Variants in TMEM131L observed in about 807,000 individuals in gnomAD.
TMEM131L encodes transmembrane 131 like, also known as transmembrane protein 131-like.
In TMEM131L, 54 loss-of-function variants were observed where a neutral mutation model predicts 192.2. That is an observed-to-expected ratio of 0.28 (90% CI 0.23 to 0.35). The LOEUF (loss-of-function observed/expected upper bound fraction) is 0.35, where lower values mean the gene tolerates loss of function less well. Among genes scored for constraint, TMEM131L ranks in the 10% least tolerant of loss-of-function variants. TMEM131L has a pLI of 1.00. For synonymous variants in TMEM131L, 701 were observed against 704.9 expected (o/e 0.99, Z 0.09); for missense variants, 1,888 against 1,972.9 (o/e 0.96, Z 0.82).
chr4:153,480,840 C>T (rs1731891723), intron 3 of TMEM131L, among the ~76,000 whole-genome samples: 1 of 152,180 alleles, frequency 6.6e-6, no homozygotes, highest in Non-Finnish European at 1.5e-5. Context: ...ATTACTGTGT[C>T]CTGAACTGAG....
In TMEM131L at chr4:153,585,595, C is replaced by T. The variant is rs750988725; in HGVS notation, c.1295C>T (p.Thr432Ile). The part of the protein sequence containing the change: ...VLNDVFLSKE[T>I]KHMLKILNFT... ...AATGATGTGTTTCTTTCCAAGGAGA[C>T]CAAGCACATGTTAAAGGTACATATA... The change falls in exon 13 of 35, where the codon ACC becomes ATC. Residue 432 changes from threonine (T) to isoleucine (I), a missense_variant. Coordinates refer to ENST00000409959, the MANE Select transcript of TMEM131L (RefSeq NM_001131007.2). The T allele has an allele frequency of 1.7e-5, 27 of 1,613,126 alleles. No homozygotes were observed. Among genetic ancestry groups the T allele is most frequent in the Non-Finnish European group, 2.3e-5 (27 of 1,179,530 alleles).
chr4:153,552,640 GC>G (rs1278324599), intron 4 of TMEM131L, among the ~76,000 whole-genome samples: 4 of 152,150 alleles, frequency 2.6e-5, no homozygotes, highest in Non-Finnish European at 5.9e-5. Flanking sequence ...AGACCAGCCT[GC>G]GCAACACTGT....
intron 7 of TMEM131L, among the ~76,000 whole-genome samples, chr4:153,575,644 A>G (rs1221730855): frequency 6.6e-6 from 1 of 152,198 alleles, no homozygotes; most frequent in Non-Finnish European, 1.5e-5. Context: ...TATGAAATAT[A>G]TAAACTATAT....
At chr4:153,565,038 T>G (rs929070392) in intron 7 of TMEM131L, among the ~76,000 whole-genome samples, 4 of 152,182 alleles carry the variant, frequency 2.6e-5, no homozygotes, top group African/African-American at 9.6e-5. Context: ...ATTCCATCCT[T>G]CAAGACCCAG....
intron 3 of TMEM131L, among the ~76,000 whole-genome samples, chr4:153,548,550 G>T (rs1267117765): frequency 6.6e-6 from 1 of 152,132 alleles, no homozygotes; most frequent in African/African-American, 2.4e-5. Flanking sequence ...TGATCTGTCC[G>T]CCTCAGCCTC....
At chr4:153,580,697 A>G in intron 7 of TMEM131L, 129 bp from the exon 8 acceptor site, 2 of 601,758 alleles carry the variant, frequency 3.3e-6, no homozygotes, top group Admixed American at 2.9e-5. Flanking sequence ...CCCAGCATTT[A>G]GCAGATACTC....
intron 7 of TMEM131L, 122 bp downstream of exon 7, chr4:153,558,490 A>G: frequency 5.9e-6 from 3 of 506,702 alleles, no homozygotes; most frequent in Non-Finnish European, 1.1e-5. Context: ...ATACATATAT[A>G]AAATATCAGT....
chr4:153,566,297 A>G (rs779975660), intron 7 of TMEM131L, among the ~76,000 whole-genome samples: 2 of 151,914 alleles, frequency 1.3e-5, no homozygotes, highest in Non-Finnish European at 2.9e-5. Flanking sequence ...AAGCACGCCC[A>G]GATAATTTTT....
intron 3 of TMEM131L, among the ~76,000 whole-genome samples, chr4:153,475,090 G>A (rs2149750950): frequency 6.6e-6 from 1 of 152,302 alleles, no homozygotes; most frequent in South Asian, 2.1e-4. Context: ...ACAAAAGAAA[G>A]CTGTATCTTC....
At chr4:153,598,505 G>T in intron 20 of TMEM131L, 85 bp from the exon 21 acceptor site, 4 of 1,165,704 alleles carry the variant, frequency 3.4e-6, no homozygotes, top group Non-Finnish European at 4.9e-6. Context: ...AAATATTCTT[G>T]ATAACTGGGA....
intron 4 of TMEM131L, among the ~76,000 whole-genome samples, chr4:153,552,284 T>A (rs1419678244): frequency 6.6e-6 from 1 of 152,160 alleles, no homozygotes; most frequent in African/African-American, 2.4e-5. Flanking sequence ...TGTTATAGAT[T>A]GGTAGATAGA....
At chr4:153,551,934 C>T (rs10030692) in intron 4 of TMEM131L, among the ~76,000 whole-genome samples, 23,332 of 151,828 alleles carry the variant, frequency 0.15, 2,950 homozygotes, top group African/African-American at 0.34. Context: ...TGAGGCTGAG[C>T]GCGGTGGCTC....
intron 7 of TMEM131L, among the ~76,000 whole-genome samples, chr4:153,562,637 C>T (rs760318551): frequency 6.6e-6 from 1 of 152,148 alleles, no homozygotes; most frequent in African/African-American, 2.4e-5. Context: ...GGTCAGACTT[C>T]AAAGAGGATA....
intron 7 of TMEM131L, 90 bp downstream of exon 7, chr4:153,558,458 GA>G: frequency 1.5e-6 from 1 of 652,822 alleles, no homozygotes; most frequent in Non-Finnish European, 2.6e-6. Flanking sequence ...TCTGCTTTTT[GA>G]AAAAATTATA....
At chr4:153,629,661 T>C (rs1014464639) in intron 31 of TMEM131L, among the ~76,000 whole-genome samples, 1 of 152,200 alleles carries the variant, frequency 6.6e-6, no homozygotes, top group African/African-American at 2.4e-5. Context: ...CATTGCTCTT[T>C]TGAAACCGTG....
At chr4:153,531,944 A>G (rs903236632) in intron 3 of TMEM131L, among the ~76,000 whole-genome samples, 1 of 152,230 alleles carries the variant, frequency 6.6e-6, no homozygotes, top group Non-Finnish European at 1.5e-5. Context: ...CCTTCTCTTC[A>G]TCTTCTGGCC....
In TMEM131L at chr4:153,592,463, C is replaced by T. The variant is rs1731141276; in HGVS notation, c.1813-12C>T. On this transcript the variant is annotated splice_polypyrimidine_tract_variant and intron_variant, in intron 17 of 34. Transcript: ENST00000409959. The stretch of plus-strand genomic sequence containing the variant: ...CCTCTCGGGGTTTTAACTTTTCTTT[C>T]CTCACACCTAGATCAAGTACTTTGT... 3 of 1,601,180 alleles carry T rather than the reference C, an allele frequency of 1.9e-6. No homozygotes were observed. The highest frequency in any genetic ancestry group is 2.6e-6 in the Non-Finnish European group (3 of 1,168,322).
At chr4:153,498,908 A>C (rs1050882780) in intron 3 of TMEM131L, among the ~76,000 whole-genome samples, 2 of 152,268 alleles carry the variant, frequency 1.3e-5, no homozygotes, top group Admixed American at 6.5e-5. Context: ...AACCCACTGG[A>C]ATTAAGTGAA....
intron 3 of TMEM131L, among the ~76,000 whole-genome samples, chr4:153,540,923 A>G (rs192259490): frequency 3.3e-5 from 5 of 152,194 alleles, no homozygotes; most frequent in Middle Eastern, 3.4e-3. Context: ...TCTTTTTTTT[A>G]TGTATAGTGT....
Sources: allele counts gnomAD v4.1 joint callset (sites outside exome capture counted in the v4.1 genomes callset), GRCh38; gene constraint gnomAD v4.1.1; transcripts MANE v1.5; gene names NCBI Gene and HGNC (gene_info 2026-07-23, HGNC 2026-07-21).